NIPBL: variants seen among roughly 807,000 people sequenced by gnomAD.
NIPBL encodes NIPBL cohesin loading factor, also known as nipped-B-like protein.
NIPBL carries 19 observed loss-of-function variants against 321.8 expected under a neutral mutation model. That is an observed-to-expected ratio of 0.06 (90% CI 0.04 to 0.09). NIPBL has a LOEUF of 0.09. Ranked by LOEUF, NIPBL falls within the 10% of genes least tolerant of loss-of-function variation. NIPBL has a pLI of 1.00. For missense variants in NIPBL, 2,210 were observed against 3,327.0 expected (o/e 0.66, Z 8.26); for synonymous variants, 1,106 against 1,114.1 (o/e 0.99, Z 0.14).
chr5:36,970,737 TG>T (rs1742761206), intron 6 of NIPBL, 138 bp from the exon 7 acceptor site: 1 of 726,478 alleles, frequency 1.4e-6, no homozygotes, highest in African/African-American at 1.8e-5. Flanking sequence ...TAAGATTTGA[TG>T]AAACTAGTCA....
At chr5:36,978,581 CTTTAG>C (rs1743778199) in intron 9 of NIPBL, among the ~76,000 whole-genome samples, 1 of 151,868 alleles carries the variant, frequency 6.6e-6, no homozygotes, top group African/African-American at 2.4e-5. Context: ...TACAGAAACT[CTTTAG>C]TTTAATTAAG....
intron 12 of NIPBL, 40 bp downstream of exon 12, chr5:37,000,610 T>A: frequency 6.3e-7 from 1 of 1,595,134 alleles, no homozygotes; most frequent in African/African-American, 1.3e-5. Flanking sequence ...CATAAACCAA[T>A]TTAAATTTAG....
chr5:36,994,146 T>G (rs1451605388), intron 10 of NIPBL, among the ~76,000 whole-genome samples: 3 of 152,124 alleles, frequency 2.0e-5, no homozygotes, highest in Non-Finnish European at 4.4e-5. Context: ...TGATAAAACT[T>G]AACTAGTTAA....
chr5:37,052,927 A>G (rs1382353305), intron 42 of NIPBL, among the ~76,000 whole-genome samples: 4 of 152,176 alleles, frequency 2.6e-5, no homozygotes, highest in African/African-American at 9.7e-5. Context: ...TTGGCTATTG[A>G]GATCCCTAGT....
intron 1 of NIPBL, among the ~76,000 whole-genome samples, chr5:36,945,139 G>C (rs1025344899): frequency 6.6e-6 from 1 of 152,064 alleles, no homozygotes; most frequent in Non-Finnish European, 1.5e-5. Context: ...TCATAGACGC[G>C]CTTGGAAATT....
Position 36,880,750 on chromosome 5 carries a change from G to A in NIPBL, c.-80+3572G>A, listed in dbSNP as rs143284300. Among the ~76,000 whole-genome samples the A allele has an allele frequency of 7.2e-5, 11 of 152,066 alleles. No homozygotes were observed. The East Asian group carries it at 2.1e-3, about 29-fold the overall frequency. On this transcript the variant is annotated intron_variant, in intron 1 of 46. Coordinates refer to ENST00000282516, the MANE Select transcript of NIPBL (RefSeq NM_133433.4). The stretch of plus-strand genomic sequence containing the variant: ...AAAGTTTTTCGTTTTTTCAGCAGTT[G>A]TCATTTATAATAATTCTTCGTATTT...
intron 1 of NIPBL, among the ~76,000 whole-genome samples, chr5:36,952,349 T>C (rs1740477947): frequency 6.6e-6 from 1 of 152,158 alleles, no homozygotes; most frequent in African/African-American, 2.4e-5. Context: ...TATTTAAGTT[T>C]TTTAAACTGG....
chr5:37,058,323 C>G (rs541363255), intron 43 of NIPBL, among the ~76,000 whole-genome samples: 1 of 152,294 alleles, frequency 6.6e-6, no homozygotes, highest in African/African-American at 2.4e-5. Flanking sequence ...GTTTCTTCCA[C>G]TTTTGAAGAA....
intron 1 of NIPBL, among the ~76,000 whole-genome samples, chr5:36,921,899 T>A (rs944285685): frequency 6.6e-6 from 1 of 151,788 alleles, no homozygotes; most frequent in Non-Finnish European, 1.5e-5. Context: ...TTTGTTTTTT[T>A]TTTTTGAAAC....
chr5:36,946,943 A>G (rs1739754202), intron 1 of NIPBL, among the ~76,000 whole-genome samples: 1 of 152,080 alleles, frequency 6.6e-6, no homozygotes, highest in Admixed American at 6.6e-5. Context: ...AGAATATAAG[A>G]TTTGATTAGA....
Position 37,006,419 on chromosome 5 carries a change from A to G in NIPBL, c.3918A>G (p.Lys1306=). 3 of 1,613,006 alleles carry G rather than the reference A, an allele frequency of 1.9e-6. No individual in the cohort carries two copies. The highest frequency in any genetic ancestry group is 2.5e-6 in the Non-Finnish European group (3 of 1,179,144). ...ACCTTATTATGGAGAGAGTTACAAA[A>G]TCAGCGGATGCTTGTCTTACAACTA... ...WRDLIMERVT[K]SADACLTTIN... is the part of the protein sequence containing the mutation. Residue 1306 remains lysine (K), a synonymous_variant, in exon 17 of 47, where the codon AAA becomes AAG. Coordinates refer to ENST00000282516, the MANE Select transcript of NIPBL (RefSeq NM_133433.4).
rs546039589 is a variant in NIPBL, at chr5:36,893,933, C to A, written c.-80+16755C>A. The stretch of plus-strand genomic sequence containing the variant: ...TCAGTACAGCCTACCAGCAGTACTT[C>A]AAGTAAAATTAGAAATTGTGAACTG... On this transcript the variant is annotated intron_variant, in intron 1 of 46. Coordinates refer to ENST00000282516, the MANE Select transcript of NIPBL (RefSeq NM_133433.4). 1.4e-4 allele frequency among the ~76,000 whole-genome samples: 22 copies of A among 152,232 alleles called. No individual in the cohort carries two copies. The South Asian group carries it at 4.4e-3, about 30-fold the overall frequency.
At chr5:37,038,867 A>G (rs997012113) in intron 34 of NIPBL, 129 bp downstream of exon 34, 5 of 956,216 alleles carry the variant, frequency 5.2e-6, no homozygotes, top group African/African-American at 3.3e-5. Context: ...TATATGTACT[A>G]TTTGTAGCAA....
At chr5:36,966,475 T>G (rs193200078) in intron 6 of NIPBL, among the ~76,000 whole-genome samples, 267 of 152,234 alleles carry the variant, frequency 1.8e-3, no homozygotes, top group Admixed American at 3.3e-3. Context: ...ATCATTATCA[T>G]AAAATGGTCT....
At chr5:36,885,623 T>C in intron 1 of NIPBL, 1 of 536,870 alleles carries the variant, frequency 1.9e-6, no homozygotes, top group South Asian at 1.4e-5. Context: ...GGCTCAGATC[T>C]TTGCAAATAC....
rs117616433 is a variant in NIPBL, at chr5:36,903,386, A to G, written c.-80+26208A>G. Among the ~76,000 whole-genome samples, 200 of 152,276 alleles carry G rather than the reference A, an allele frequency of 1.3e-3. 1 individual carries two copies. The East Asian group carries it at 0.034, about 26-fold the overall frequency. ...TGCTCCCAGCTTTTGCTCATTCAAT[A>G]TGATGTTGGCTGTGGGTTTGCTATA... On this transcript the variant is annotated intron_variant, in intron 1 of 46. Coordinates refer to ENST00000282516, the MANE Select transcript of NIPBL (RefSeq NM_133433.4).
At chr5:37,040,580 G>A (rs923073002) in intron 34 of NIPBL, among the ~76,000 whole-genome samples, 1 of 152,074 alleles carries the variant, frequency 6.6e-6, no homozygotes, top group Non-Finnish European at 1.5e-5. Context: ...GATGTCCTAT[G>A]ATTTATTTAA....
chr5:37,059,522 A>G (rs1295600390), intron 44 of NIPBL, among the ~76,000 whole-genome samples: 1 of 152,116 alleles, frequency 6.6e-6, no homozygotes, highest in Non-Finnish European at 1.5e-5. Flanking sequence ...ATAATAATAA[A>G]TATGAAACCC....
intron 44 of NIPBL, among the ~76,000 whole-genome samples, chr5:37,060,157 C>A (rs976472572): frequency 6.6e-6 from 1 of 152,088 alleles, no homozygotes; most frequent in African/African-American, 2.4e-5. Flanking sequence ...TCAGGAGACA[C>A]TAGAAATCCA....
Sources: allele counts gnomAD v4.1 joint callset (sites outside exome capture counted in the v4.1 genomes callset), GRCh38; gene constraint gnomAD v4.1.1; transcripts MANE v1.5; gene names NCBI Gene and HGNC (gene_info 2026-07-23, HGNC 2026-07-21).